Variants in CADM1 observed in about 807,000 individuals in gnomAD.
The protein encoded by CADM1 is TSLC-1.
Under a neutral mutation model 53.1 loss-of-function variants are expected in CADM1, and 15 were observed. The ratio of observed to expected loss-of-function variants is 0.28; its 90% CI spans 0.19 to 0.44. The LOEUF (loss-of-function observed/expected upper bound fraction) is 0.44. Among genes scored for constraint, CADM1 ranks in the 20% least tolerant of loss-of-function variants. The pLI is 1.00. For missense variants in CADM1, 434 were observed against 611.3 expected (o/e 0.71, Z 3.06); for synonymous variants, 281 against 243.0 (o/e 1.16, Z -1.45).
intron 1 of CADM1, among the ~76,000 whole-genome samples, chr11:115,387,638 C>G (rs1223222715): frequency 6.6e-6 from 1 of 151,994 alleles, no homozygotes; most frequent in African/African-American, 2.4e-5. Context: ...AGTAAATGAA[C>G]AAATGTGTTA....
At chr11:115,273,897 T>C (rs1943372854) in intron 1 of CADM1, among the ~76,000 whole-genome samples, 1 of 152,204 alleles carries the variant, frequency 6.6e-6, no homozygotes, top group Non-Finnish European at 1.5e-5. Flanking sequence ...AGTGTCACAG[T>C]AAACACACAC....
intron 5 of CADM1, among the ~76,000 whole-genome samples, chr11:115,225,136 A>T (rs1377495074): frequency 6.6e-6 from 1 of 152,194 alleles, no homozygotes; most frequent in African/African-American, 2.4e-5. Flanking sequence ...TAGAAAACTA[A>T]GAGACCTACT....
intron 1 of CADM1, among the ~76,000 whole-genome samples, chr11:115,466,429 G>A (rs1948899836): frequency 6.6e-6 from 1 of 152,164 alleles, no homozygotes; most frequent in East Asian, 1.9e-4. Flanking sequence ...AAACTGCCCT[G>A]TAAAAACAAA....
At chr11:115,365,550 TA>T (rs978684132) in intron 1 of CADM1, among the ~76,000 whole-genome samples, 7 of 151,804 alleles carry the variant, frequency 4.6e-5, no homozygotes, top group African/African-American at 1.7e-4. Flanking sequence ...TATTGGCAAA[TA>T]AAAAAACAAA....
At chr11:115,503,104 G>T (rs1949766747) in intron 1 of CADM1, among the ~76,000 whole-genome samples, 1 of 152,146 alleles carries the variant, frequency 6.6e-6, no homozygotes, top group Non-Finnish European at 1.5e-5. Flanking sequence ...TGCAGCAGGG[G>T]CCAGAGGACG....
At chr11:115,267,677 TC>T (rs1433214714) in intron 1 of CADM1, among the ~76,000 whole-genome samples, 8 of 136,712 alleles carry the variant, frequency 5.9e-5, no homozygotes, top group East Asian at 3.7e-4. Flanking sequence ...AAAATTGCTT[TC>T]TTTTTTTTTT....
At chr11:115,318,815 G>A (rs548439882) in intron 1 of CADM1, among the ~76,000 whole-genome samples, 13 of 152,286 alleles carry the variant, frequency 8.5e-5, no homozygotes, top group African/African-American at 3.1e-4. Flanking sequence ...TGTTGGAATA[G>A]GTAGGTGGTG....
chr11:115,427,713 C>T (rs1947926765), intron 1 of CADM1, among the ~76,000 whole-genome samples: 1 of 151,826 alleles, frequency 6.6e-6, no homozygotes, highest in African/African-American at 2.4e-5. Flanking sequence ...TAATGAAGTA[C>T]AATGTAATTA....
chr11:115,503,567 C>T (rs1040891661), intron 1 of CADM1, among the ~76,000 whole-genome samples: 4 of 152,214 alleles, frequency 2.6e-5, no homozygotes, highest in South Asian at 4.1e-4. Flanking sequence ...GGCCGCCCCC[C>T]CCGCGGGGCC....
At chr11:115,423,993 C>T (rs1000797617) in intron 1 of CADM1, among the ~76,000 whole-genome samples, 3 of 152,174 alleles carry the variant, frequency 2.0e-5, no homozygotes, top group African/African-American at 7.2e-5. Flanking sequence ...TTTGCTCTGC[C>T]TCATAGCACT....
chr11:115,339,461 G>A (rs1945363649), intron 1 of CADM1, among the ~76,000 whole-genome samples: 1 of 152,058 alleles, frequency 6.6e-6, no homozygotes, highest in African/African-American at 2.4e-5. Context: ...AAAAAATGAT[G>A]AGTTCATGTC....
intron 1 of CADM1, among the ~76,000 whole-genome samples, chr11:115,468,310 T>C (rs1948938624): frequency 6.6e-6 from 1 of 152,112 alleles, no homozygotes; most frequent in South Asian, 2.1e-4. Context: ...CCACGTTACA[T>C]GAGATGAGAC....
At chr11:115,202,718 T>G (rs558467995) in intron 8 of CADM1, among the ~76,000 whole-genome samples, 1 of 152,200 alleles carries the variant, frequency 6.6e-6, no homozygotes, top group South Asian at 2.1e-4. Flanking sequence ...TGGGTTTTCT[T>G]AATTGAATTC....
chr11:115,490,173 G>A (rs1352626013), intron 1 of CADM1, among the ~76,000 whole-genome samples: 1 of 152,154 alleles, frequency 6.6e-6, no homozygotes, highest in Non-Finnish European at 1.5e-5. Flanking sequence ...GAGGCTAGCA[G>A]TAAATGAAAC....
At chr11:115,466,401 A>G (rs538362543) in intron 1 of CADM1, among the ~76,000 whole-genome samples, 108 of 152,366 alleles carry the variant, frequency 7.1e-4, no homozygotes, top group Non-Finnish European at 1.4e-3. Flanking sequence ...AATATTCAGC[A>G]TGCCATTCAT....
chr11:115,174,973 A>G lies in CADM1; in HGVS notation c.*1501T>C. Reference sequence around the variant, plus strand: ...TTTCCCGAGGCTCCCCATCTAAGATATGTTCAAGGTCACTGATTTTAGTAG... The same window carrying G: ...TTTCCCGAGGCTCCCCATCTAAGATGTGTTCAAGGTCACTGATTTTAGTAG... On this transcript the variant is annotated 3_prime_UTR_variant, in exon 12 of 12. Transcript: ENST00000331581. 2.0e-6 allele frequency: 2 copies of G among 985,828 alleles called. No individual in the cohort carries two copies. Among genetic ancestry groups the G allele is most frequent in the Non-Finnish European group, 2.4e-6 (2 of 829,934 alleles). The allele number at this position is 985,828 out of a possible 1,614,324, so 61.1% of individuals were successfully genotyped here.
At chr11:115,256,780 C>T (rs896111923) in intron 1 of CADM1, 1 of 455,926 alleles carries the variant, frequency 2.2e-6, no homozygotes, top group Non-Finnish European at 4.4e-6. Flanking sequence ...TTCACACTTA[C>T]TCCTTCCTCT....
At chr11:115,359,871 C>A (rs1190304556) in intron 1 of CADM1, among the ~76,000 whole-genome samples, 1 of 152,196 alleles carries the variant, frequency 6.6e-6, no homozygotes, top group Non-Finnish European at 1.5e-5. Flanking sequence ...TGTGCTAAAT[C>A]ATGACATTAC....
At chr11:115,336,458 T>C (rs1945269997) in intron 1 of CADM1, among the ~76,000 whole-genome samples, 1 of 152,086 alleles carries the variant, frequency 6.6e-6, no homozygotes, top group African/African-American at 2.4e-5. Flanking sequence ...TAAAACCGAC[T>C]GCCACATTTG....
Sources: gnomAD v4.1 joint callset for allele counts (sites outside exome capture counted in the v4.1 genomes callset) on GRCh38, gnomAD v4.1.1 for gene constraint, MANE v1.5 for transcripts, NCBI Gene and HGNC (gene_info 2026-07-23, HGNC 2026-07-21) for gene names.